WDR33: variants seen among roughly 807,000 people sequenced by gnomAD.
WDR33 encodes the protein WD repeat domain 33, also known as pre-mRNA 3' end processing protein WDR33.
A neutral mutation model predicts 164.9 loss-of-function variants in WDR33; 47 were observed. The observed-to-expected ratio is 0.29, with a 90% CI of 0.23 to 0.36. WDR33 has a LOEUF of 0.36. WDR33 is among the 10% of genes least tolerant of loss of function. WDR33 has a pLI of 1.00. For synonymous variants in WDR33, 505 were observed against 589.0 expected, an observed-to-expected ratio of 0.86 and a Z score of 2.06; for missense variants, 1,137 against 1,754.1, an observed-to-expected ratio of 0.65 and a Z score of 6.28.
rs912202630 is a variant in WDR33, at chr2:127,710,721, G to A, written c.3309-865C>T. On this transcript the variant is annotated intron_variant, in intron 18 of 21. Transcript: ENST00000322313. This position sits in a 1 kb window ranked among gnomAD's most constrained non-coding sequence, Gnocchi z 4.4. ...GCAGCGCTCACTGAGAGGCGGTGGC[G>A]CCACCCTGCAGGGCCCCTCTGCATG... is the stretch of plus-strand genomic sequence containing the variant. Among the ~76,000 whole-genome samples, 21 of 152,070 alleles carry A rather than the reference G, an allele frequency of 1.4e-4. No homozygotes were observed. Among genetic ancestry groups the A allele is most frequent in the African/African-American group, 4.3e-4 (18 of 41,420 alleles).
Position 127,764,594 on chromosome 2 carries a change from G to A in WDR33, c.626+234C>T. ...AAAGAGAAAACCAGTGCAAAATGCGGCAGACAGTACATCTCTAACATATTG... is the reference window on the plus strand; with the variant it reads ...AAAGAGAAAACCAGTGCAAAATGCGACAGACAGTACATCTCTAACATATTG... On this transcript the variant is annotated intron_variant, in intron 6 of 21. Coordinates refer to ENST00000322313, the MANE Select transcript of WDR33 (RefSeq NM_018383.5). The surrounding 1 kb of genome is among the most constrained non-coding windows in gnomAD (Gnocchi z 6.2). 4 of 1,552,076 alleles carry A rather than the reference G, an allele frequency of 2.6e-6. No homozygotes were observed. Among genetic ancestry groups the A allele is most frequent in the Non-Finnish European group, 3.5e-6 (4 of 1,147,142 alleles).
intron 1 of WDR33, among the ~76,000 whole-genome samples, chr2:127,798,470 C>A (rs1218451323): frequency 1.6e-4 from 24 of 151,508 alleles, no homozygotes; most frequent in Non-Finnish European, 4.4e-5. Context: ...GCTGGTTGGC[C>A]CTGAATATTT....
chr2:127,769,556 A>G (rs557101663), intron 2 of WDR33, among the ~76,000 whole-genome samples: 4 of 152,204 alleles, frequency 2.6e-5, no homozygotes, highest in Non-Finnish European at 5.9e-5. Context: ...AAAAGGAAAC[A>G]GCAGAGAGGG....
chr2:127,743,472 G>A (rs758548020), intron 7 of WDR33, among the ~76,000 whole-genome samples: 12 of 151,958 alleles, frequency 7.9e-5, no homozygotes, highest in Non-Finnish European at 1.6e-4. Context: ...ATACTGCTTG[G>A]TTCTGTTATC....
intron 1 of WDR33, among the ~76,000 whole-genome samples, chr2:127,773,044 G>A (rs184113815): frequency 6.6e-6 from 1 of 152,264 alleles, no homozygotes; most frequent in East Asian, 1.9e-4. Context: ...ACTGAGGTGG[G>A]AGGATCACTT....
At chr2:127,780,278 A>T (rs1332913613) in intron 1 of WDR33, among the ~76,000 whole-genome samples, 1 of 152,116 alleles carries the variant, frequency 6.6e-6, no homozygotes, top group Non-Finnish European at 1.5e-5. Flanking sequence ...ACCTCCATTA[A>T]CACTCCTGAC....
chr2:127,724,463 A>G lies in WDR33; in HGVS notation c.1086-20T>C, dbSNP rs1397514970. The G allele has an allele frequency of 6.2e-7, 1 of 1,606,632 alleles. No homozygotes were observed. The highest frequency in any genetic ancestry group is 8.5e-7 in the Non-Finnish European group (1 of 1,174,670). On this transcript the variant is annotated intron_variant, in intron 10 of 21. Transcript: ENST00000322313. The surrounding 1 kb of genome is among the most constrained non-coding windows in gnomAD (Gnocchi z 4.8). ...TCTACCCTGCAACAGCACCAAAGAGAGAAGATTTGTTCACAAAAGTTACCC... is the reference window on the plus strand; with the variant it reads ...TCTACCCTGCAACAGCACCAAAGAGGGAAGATTTGTTCACAAAAGTTACCC...
In WDR33 at chr2:127,717,012, T is replaced by G; in HGVS notation, c.2869+143A>C. On this transcript the variant is annotated intron_variant, in intron 17 of 21. Coordinates refer to ENST00000322313, the MANE Select transcript of WDR33 (RefSeq NM_018383.5). The surrounding 1 kb of genome is among the most constrained non-coding windows in gnomAD (Gnocchi z 5.6). ...CCAAGAACACAACCAAAGACAAAGC[T>G]CCTACCTGAATGACCACACCCTTAT... 1.2e-6 allele frequency: 1 copy of G among 818,710 alleles called. No individual in the cohort carries two copies. Among genetic ancestry groups the G allele is most frequent in the South Asian group, 1.6e-5 (1 of 61,610 alleles). The allele number at this position is 818,710 out of a possible 1,614,324, so 50.7% of individuals were successfully genotyped here. A position where few individuals can be genotyped will look rare whatever the true frequency, so the allele number is the denominator to read the frequency against.
intron 7 of WDR33, among the ~76,000 whole-genome samples, chr2:127,729,760 G>A (rs1427182543): frequency 6.6e-6 from 1 of 152,228 alleles, no homozygotes; most frequent in Non-Finnish European, 1.5e-5. Context: ...CTCCCAAAGT[G>A]TTGGGATTAC....
At chr2:127,804,436 T>A (rs970643634) in intron 1 of WDR33, among the ~76,000 whole-genome samples, 5 of 152,208 alleles carry the variant, frequency 3.3e-5, no homozygotes, top group Admixed American at 2.6e-4. Context: ...ACTATATAAA[T>A]GTTCAATGTC....
Position 127,706,044 on chromosome 2 carries a change from C to G in WDR33, c.*279G>C, listed in dbSNP as rs2923. On this transcript the variant is annotated 3_prime_UTR_variant, in exon 22 of 22. Coordinates refer to ENST00000322313, the MANE Select transcript of WDR33 (RefSeq NM_018383.5). This position sits in a 1 kb window ranked among gnomAD's most constrained non-coding sequence, Gnocchi z 5.1. ...TTAAATTTGTGGAGATGCCCCATGT[C>G]TTGTGAGACTTAAAAAAAAGAAAAA... 11,434 of 366,668 alleles carry G rather than the reference C, an allele frequency of 0.031. 255 individuals are homozygous for G. Among genetic ancestry groups the G allele is most frequent in the Middle Eastern group, 0.071 (101 of 1,428 alleles). 22.7% of individuals were successfully genotyped at this position (366,668 alleles called of 1,614,324 possible). A position where few individuals can be genotyped will look rare whatever the true frequency, so the allele number is the denominator to read the frequency against.
chr2:127,708,899 C>G lies in WDR33; in HGVS notation c.3566-7G>C. 6.5e-7 allele frequency: 1 copy of G among 1,544,612 alleles called. No individual in the cohort carries two copies. Among genetic ancestry groups the G allele is most frequent in the Non-Finnish European group, 8.8e-7 (1 of 1,140,820 alleles). Reference sequence around the variant, plus strand: ...AAATGTTCATGACCTGGCCCTGAAACAAGAAACAAATCTCCTTACAGGAAA... The same window carrying G: ...AAATGTTCATGACCTGGCCCTGAAAGAAGAAACAAATCTCCTTACAGGAAA... On this transcript the variant is annotated splice_polypyrimidine_tract_variant and splice_region_variant and intron_variant, in intron 20 of 21. Coordinates refer to ENST00000322313, the MANE Select transcript of WDR33 (RefSeq NM_018383.5). This position sits in a 1 kb window ranked among gnomAD's most constrained non-coding sequence, Gnocchi z 6.7.
Position 127,726,782 on chromosome 2 carries a change from C to A in WDR33, c.725-5G>T. The A allele has an allele frequency of 6.2e-7, 1 of 1,613,604 alleles. No homozygotes were observed. The highest frequency in any genetic ancestry group is 8.5e-7 in the Non-Finnish European group (1 of 1,179,850). ...ATTTCACATCAGCACCATGCCCTGT[C>A]GGAAACAAGTTAGGATTAAAACCTA... On this transcript the variant is annotated splice_polypyrimidine_tract_variant and splice_region_variant and intron_variant, in intron 7 of 21. Coordinates refer to ENST00000322313, the MANE Select transcript of WDR33 (RefSeq NM_018383.5). This position sits in a 1 kb window ranked among gnomAD's most constrained non-coding sequence, Gnocchi z 4.8.
Position 127,765,023 on chromosome 2 carries a change from G to A in WDR33, c.475-44C>T, listed in dbSNP as rs370198011. 5.6e-6 allele frequency: 9 copies of A among 1,601,932 alleles called. No homozygotes were observed. The Admixed American group carries it at 1.0e-4, about 18-fold the overall frequency. On this transcript the variant is annotated intron_variant, in intron 5 of 21. Coordinates refer to ENST00000322313, the MANE Select transcript of WDR33 (RefSeq NM_018383.5). ...TTAATTAGTAAGGTGCTGCTTCAAAGAATATATGACTAAAGGCTTACAAGA... is the reference window on the plus strand; with the variant it reads ...TTAATTAGTAAGGTGCTGCTTCAAAAAATATATGACTAAAGGCTTACAAGA...
intron 1 of WDR33, chr2:127,810,633 C>T (rs1440648174): frequency 1.3e-5 from 2 of 152,278 alleles, no homozygotes; most frequent in Non-Finnish European, 2.9e-5. Context: ...GTTAACTTCC[C>T]TTGACCCTTT....
At chr2:127,784,115 G>C (rs2105465675) in intron 1 of WDR33, among the ~76,000 whole-genome samples, 1 of 151,872 alleles carries the variant, frequency 6.6e-6, no homozygotes, top group East Asian at 1.9e-4. Flanking sequence ...TATCTTTTTA[G>C]TATCTAGCTT....
In WDR33 at chr2:127,722,876, T is replaced by C; in HGVS notation, c.1378+82A>G. 1.4e-6 allele frequency: 2 copies of C among 1,411,208 alleles called. No homozygotes were observed. The highest frequency in any genetic ancestry group is 1.9e-6 in the Non-Finnish European group (2 of 1,042,602). The allele number at this position is 1,411,208 out of a possible 1,614,324, so 87.4% of individuals were successfully genotyped here. A position where few individuals can be genotyped will look rare whatever the true frequency, so the allele number is the denominator to read the frequency against. ...CATTTCTCAACATAAATCATTTTGGTATTTCAATATATTTATCAGGAACAT... is the reference window on the plus strand; with the variant it reads ...CATTTCTCAACATAAATCATTTTGGCATTTCAATATATTTATCAGGAACAT... On this transcript the variant is annotated intron_variant, in intron 13 of 21. Transcript: ENST00000322313. This position sits in a 1 kb window ranked among gnomAD's most constrained non-coding sequence, Gnocchi z 5.1.
At chr2:127,748,550 A>T (rs1433183566) in intron 7 of WDR33, among the ~76,000 whole-genome samples, 1 of 152,204 alleles carries the variant, frequency 6.6e-6, no homozygotes, top group Non-Finnish European at 1.5e-5. Context: ...AAAGCATTAA[A>T]AACTGTTAAA....
In WDR33 at chr2:127,712,929, A is replaced by T. The variant is rs952498293; in HGVS notation, c.3308+654T>A. Among the ~76,000 whole-genome samples, 11 of 152,092 alleles carry T rather than the reference A, an allele frequency of 7.2e-5. No homozygotes were observed. The highest frequency in any genetic ancestry group is 3.4e-3 in the Middle Eastern group (1 of 294). On this transcript the variant is annotated intron_variant, in intron 18 of 21. Transcript: ENST00000322313. This position sits in a 1 kb window ranked among gnomAD's most constrained non-coding sequence, Gnocchi z 4.0. ...ACCACCAAACCCAGCTAATTAAAAA[A>T]TTTTTTTTGTAGAGATGGAGTTACA...
Sources: gnomAD v4.1 joint callset for allele counts (sites outside exome capture counted in the v4.1 genomes callset) on GRCh38, gnomAD v4.1.1 for gene constraint, Gnocchi (gnomAD v3.1) non-coding constraint, MANE v1.5 for transcripts, NCBI Gene and HGNC (gene_info 2026-07-23, HGNC 2026-07-21) for gene names.